The following TPST1 variants were observed in gnomAD, a reference collection of about 807,000 sequenced individuals.
TPST1 encodes tyrosylprotein sulfotransferase 1, also known as protein-tyrosine sulfotransferase 1.
A neutral mutation model predicts 34.8 loss-of-function variants in TPST1; 20 were observed. That is an observed-to-expected ratio of 0.57 (90% CI 0.40 to 0.84). TPST1 has a LOEUF of 0.84. TPST1 is among the 40% of genes least tolerant of loss of function. The probability of loss-of-function intolerance (pLI) is 0.00; values close to 1 mark genes in which losing one functional copy is unlikely to be tolerated. For missense variants in TPST1, 353 were observed against 455.5 expected (o/e 0.78, Z 2.05); for synonymous variants, 152 against 159.4 (o/e 0.95, Z 0.35).
chr7:66,328,886 C>A (rs55691281), intron 3 of TPST1, among the ~76,000 whole-genome samples: 1,003 of 22,138 alleles, frequency 0.045, 57 homozygotes, highest in Admixed American at 0.057. Context: ...CTCTCTCTCT[C>A]TATATATATA....
chr7:66,338,302 T>C (rs1792163816), intron 3 of TPST1, among the ~76,000 whole-genome samples: 1 of 152,056 alleles, frequency 6.6e-6, no homozygotes, highest in Non-Finnish European at 1.5e-5. Context: ...TAAATATATA[T>C]ACACCCAACA....
Position 66,352,502 on chromosome 7 carries a change from C to T in TPST1, c.1045-3C>T. 1.2e-6 allele frequency: 2 copies of T among 1,611,436 alleles called. No homozygotes were observed. The highest frequency in any genetic ancestry group is 2.2e-5 in the East Asian group (1 of 44,814). On this transcript the variant is annotated splice_region_variant and splice_polypyrimidine_tract_variant and intron_variant, in intron 3 of 5. Transcript: ENST00000304842. ...TAAACTCACGCCTGCTTTGTTTTTC[C>T]AGGTCTATAAGGGAGAATTCCAACT...
At chr7:66,278,365 G>A (rs188553452) in intron 2 of TPST1, among the ~76,000 whole-genome samples, 107 of 152,236 alleles carry the variant, frequency 7.0e-4, no homozygotes, top group Middle Eastern at 3.4e-3. Context: ...GTGCGGGTAA[G>A]GTAGACTTTA....
intron 2 of TPST1, among the ~76,000 whole-genome samples, chr7:66,253,643 T>C (rs1014237342): frequency 1.3e-5 from 2 of 151,052 alleles, no homozygotes; most frequent in African/African-American, 2.4e-5. Flanking sequence ...AGTGCTGGGA[T>C]TACAGGCATG....
At chr7:66,211,549 T>C (rs1789243773) in intron 1 of TPST1, among the ~76,000 whole-genome samples, 1 of 152,248 alleles carries the variant, frequency 6.6e-6, no homozygotes. Flanking sequence ...GTTGGTTGAA[T>C]AAATCAGTTG....
At chr7:66,255,831 A>C (rs145538882) in intron 2 of TPST1, among the ~76,000 whole-genome samples, 7 of 152,158 alleles carry the variant, frequency 4.6e-5, no homozygotes, top group Admixed American at 4.6e-4. Flanking sequence ...AGTACTGTCA[A>C]ATTCTCTTCT....
chr7:66,203,169 CCACACACATATATACA>C (rs1789049573), upstream of TPST1, among the ~76,000 whole-genome samples: 1 of 150,978 alleles, frequency 6.6e-6, no homozygotes, highest in African/African-American at 2.4e-5. Flanking sequence ...GTGTATACAC[CCACACACATATATACA>C]CACACACACA....
intron 1 of TPST1, among the ~76,000 whole-genome samples, chr7:66,224,898 A>ATTTTTTT (rs1385577766): frequency 2.2e-5 from 1 of 46,140 alleles, no homozygotes; most frequent in Admixed American, 2.2e-4. Context: ...ACATTCTGGT[A>ATTTTTTT]TTCTTTTTTT....
At chr7:66,350,755 G>A (rs893942359) in intron 3 of TPST1, among the ~76,000 whole-genome samples, 1 of 152,070 alleles carries the variant, frequency 6.6e-6, no homozygotes, top group Non-Finnish European at 1.5e-5. Flanking sequence ...TGTTACAATC[G>A]CGATTCCGGT....
chr7:66,260,407 A>G (rs1013719342), intron 2 of TPST1, among the ~76,000 whole-genome samples: 1 of 152,228 alleles, frequency 6.6e-6, no homozygotes, highest in African/African-American at 2.4e-5. Context: ...ATTTTGGAGC[A>G]TTTCAGATTT....
intron 2 of TPST1, among the ~76,000 whole-genome samples, chr7:66,273,710 T>A (rs1244954633): frequency 6.6e-6 from 1 of 152,096 alleles, no homozygotes; most frequent in Non-Finnish European, 1.5e-5. Flanking sequence ...GAAAACTGGA[T>A]ATCCACATGA....
intron 2 of TPST1, among the ~76,000 whole-genome samples, chr7:66,259,986 T>A (rs754294697): frequency 7.1e-4 from 108 of 152,324 alleles, no homozygotes; most frequent in African/African-American, 1.9e-3. Flanking sequence ...TTTTCCAGAA[T>A]GTCATGGAGT....
At position 66,243,971 on chromosome 7, in the gene TPST1, C is replaced by T. The variant is rs539125147; in HGVS notation, c.845+2701C>T. Among the ~76,000 whole-genome samples the T allele has an allele frequency of 8.2e-3, 1,039 of 126,368 alleles. 14 individuals carry two copies. Among genetic ancestry groups the T allele is most frequent in the African/African-American group, 0.028 (903 of 32,658 alleles). The allele number at this position is 126,368 out of a possible 152,430, so 82.9% of individuals were successfully genotyped here. ...TTTTTTTTTTTTTTTTTCTTCGAGACGGAGTCTTGCTCTGTCGCCCAGGCT... is the reference window on the plus strand; with the variant it reads ...TTTTTTTTTTTTTTTTTCTTCGAGATGGAGTCTTGCTCTGTCGCCCAGGCT... On this transcript the variant is annotated intron_variant, in intron 2 of 5. Coordinates refer to ENST00000304842, the MANE Select transcript of TPST1 (RefSeq NM_003596.4).
chr7:66,216,713 G>A (rs1043457585), intron 1 of TPST1, among the ~76,000 whole-genome samples: 2 of 151,972 alleles, frequency 1.3e-5, no homozygotes, highest in Admixed American at 6.6e-5. Flanking sequence ...CGTGATCTGC[G>A]TGCCTCAGCC....
At chr7:66,242,938 G>A (rs1394978922) in intron 2 of TPST1, among the ~76,000 whole-genome samples, 1 of 152,156 alleles carries the variant, frequency 6.6e-6, no homozygotes, top group Non-Finnish European at 1.5e-5. Flanking sequence ...GGCCCTGTAA[G>A]GCTCTATGTT....
intron 3 of TPST1, among the ~76,000 whole-genome samples, chr7:66,321,560 A>G (rs1157193268): frequency 6.6e-6 from 1 of 152,252 alleles, no homozygotes; most frequent in Non-Finnish European, 1.5e-5. Flanking sequence ...TGTCTTGGGA[A>G]TGTGCAACCA....
intron 3 of TPST1, among the ~76,000 whole-genome samples, chr7:66,296,681 T>TTTTTG (rs1325208851): frequency 6.8e-6 from 1 of 147,264 alleles, no homozygotes; most frequent in South Asian, 2.2e-4. Context: ...GGTTGGTTTT[T>TTTTTG]TTTTTTTTTT....
chr7:66,231,675 A>G (rs758198667), intron 1 of TPST1, among the ~76,000 whole-genome samples: 5 of 152,244 alleles, frequency 3.3e-5, no homozygotes, highest in Non-Finnish European at 7.3e-5. Context: ...AACTCCAGCT[A>G]GCCCGCAAGC....
chr7:66,230,934 G>C (rs967617373), intron 1 of TPST1, among the ~76,000 whole-genome samples: 4 of 152,156 alleles, frequency 2.6e-5, no homozygotes, highest in Non-Finnish European at 5.9e-5. Context: ...CGACACAAAG[G>C]TTCTCCAAGG....
Sources: allele counts gnomAD v4.1 joint callset (sites outside exome capture counted in the v4.1 genomes callset), GRCh38; gene constraint gnomAD v4.1.1; transcripts MANE v1.5; gene names NCBI Gene and HGNC (gene_info 2026-07-23, HGNC 2026-07-21).